The following FOXP1 variants were observed in gnomAD, a reference collection of about 807,000 sequenced individuals.
FOXP1 encodes forkhead box protein P1.
In FOXP1, 15 loss-of-function variants were observed where a neutral mutation model predicts 98.2. The observed-to-expected ratio is 0.15, with a 90% confidence interval of 0.10 to 0.24. The LOEUF (loss-of-function observed/expected upper bound fraction) is 0.24, where lower values mean the gene tolerates loss of function less well. FOXP1 is among the 10% of genes least tolerant of loss of function. The pLI is 1.00. For synonymous variants in FOXP1, 371 were observed against 314.5 expected (o/e 1.18, Z -1.90); for missense variants, 633 against 848.5 (o/e 0.75, Z 3.15).
rs764420582 is a variant in FOXP1, at chr3:71,513,441, G to A, written c.-297-19886C>T. On this transcript the variant is annotated intron_variant, in intron 2 of 20. Transcript: ENST00000649528. The stretch of plus-strand genomic sequence containing the variant: ...TAAAAAGCCAGTACTCCCCTCCTTC[G>A]CTACCAACTTCCTGGTCACAGCCAC... Among the ~76,000 whole-genome samples, 22 of 151,942 alleles carry A rather than the reference G, an allele frequency of 1.4e-4. 1 individual carries two copies. Among genetic ancestry groups the A allele is most frequent in the South Asian group, 2.1e-4 (1 of 4,806 alleles).
chr3:70,978,072 C>G (rs1313567865), intron 14 of FOXP1, 43 bp from the exon 15 acceptor site: 1 of 1,536,868 alleles, frequency 6.5e-7, no homozygotes, highest in South Asian at 1.1e-5. Flanking sequence ...TTCAGAAAAC[C>G]AGAGCAACCC....
intron 3 of FOXP1, among the ~76,000 whole-genome samples, chr3:71,388,820 A>G (rs922694809): frequency 2.0e-5 from 3 of 152,176 alleles, no homozygotes; most frequent in Non-Finnish European, 4.4e-5. Flanking sequence ...AAAAGAAAAG[A>G]AAAATTTTGT....
At chr3:71,343,646 C>T (rs2077149333) in intron 4 of FOXP1, among the ~76,000 whole-genome samples, 1 of 149,818 alleles carries the variant, frequency 6.7e-6, no homozygotes. Flanking sequence ...ACCTCAGCCT[C>T]CTGGGTTCAA....
chr3:71,303,022 T>C (rs781242804), intron 4 of FOXP1, among the ~76,000 whole-genome samples: 2 of 152,198 alleles, frequency 1.3e-5, no homozygotes, highest in Non-Finnish European at 2.9e-5. Flanking sequence ...TGACATATAA[T>C]ACACGGTGTC....
intron 6 of FOXP1, among the ~76,000 whole-genome samples, chr3:71,192,184 C>T (rs913133920): frequency 1.2e-4 from 19 of 152,162 alleles, no homozygotes; most frequent in South Asian, 2.1e-4. Flanking sequence ...GCAGCTACAA[C>T]GGGAAAGGCC....
intron 5 of FOXP1, among the ~76,000 whole-genome samples, chr3:71,281,420 CA>C (rs2071551555): frequency 6.6e-6 from 1 of 152,192 alleles, no homozygotes; most frequent in Non-Finnish European, 1.5e-5. Flanking sequence ...TCTCAAAACA[CA>C]TCTGAGTGGT....
At chr3:70,969,087 C>T (rs1575726558) in intron 19 of FOXP1, 1 of 150,008 alleles carries the variant, frequency 6.7e-6, no homozygotes, top group Non-Finnish European at 1.5e-5. Flanking sequence ...AAATTAGTCA[C>T]ATAGTTAAGA....
At chr3:71,476,111 AC>A (rs1237112263) in intron 3 of FOXP1, among the ~76,000 whole-genome samples, 1 of 152,110 alleles carries the variant, frequency 6.6e-6, no homozygotes, top group African/African-American at 2.4e-5. Context: ...GTGTTAAGTG[AC>A]TCTTCAACTA....
At chr3:71,041,765 T>C (rs2048376323) in intron 10 of FOXP1, among the ~76,000 whole-genome samples, 1 of 152,078 alleles carries the variant, frequency 6.6e-6, no homozygotes, top group African/African-American at 2.4e-5. Context: ...CAGGTGAAAG[T>C]GACTCAAAAC....
At chr3:71,092,999 GC>G (rs2056051781) in intron 7 of FOXP1, among the ~76,000 whole-genome samples, 1 of 152,150 alleles carries the variant, frequency 6.6e-6, no homozygotes, top group African/African-American at 2.4e-5. Context: ...GGTGGCTCAC[GC>G]CTATAATCCC....
chr3:71,115,309 TA>T (rs1462350323), intron 6 of FOXP1, among the ~76,000 whole-genome samples: 1 of 115,808 alleles, frequency 8.6e-6, no homozygotes, highest in Non-Finnish European at 1.8e-5. Flanking sequence ...TTATTATTAT[TA>T]TTATTATTTT....
intron 6 of FOXP1, among the ~76,000 whole-genome samples, chr3:71,158,783 G>C (rs1303730926): frequency 6.8e-6 from 1 of 147,972 alleles, no homozygotes; most frequent in Non-Finnish European, 1.5e-5. Context: ...ATGTTACGTT[G>C]TCAAAGGTTG....
chr3:71,384,230 A>AAACAAACAAACAAACC (rs1294304396), intron 3 of FOXP1, among the ~76,000 whole-genome samples: 4 of 152,154 alleles, frequency 2.6e-5, no homozygotes, highest in Non-Finnish European at 4.4e-5. Context: ...ACAAACAAAC[A>AAACAAACAAACAAACC]AACAAACAAA....
intron 3 of FOXP1, among the ~76,000 whole-genome samples, chr3:71,473,426 C>A (rs900745716): frequency 6.6e-6 from 1 of 152,128 alleles, no homozygotes; most frequent in African/African-American, 2.4e-5. Flanking sequence ...AACATTAGAT[C>A]TTATTCAGAA....
At chr3:70,993,999 G>GAAGAAAAAGAAAAAGAAA (rs5849975) in intron 13 of FOXP1, among the ~76,000 whole-genome samples, 11 of 136,072 alleles carry the variant, frequency 8.1e-5, no homozygotes, top group African/African-American at 3.1e-4. Flanking sequence ...CGTCTCAAAA[G>GAAGAAAAAGAAAAAGAAA]AAGAAAAAGA....
intron 5 of FOXP1, among the ~76,000 whole-genome samples, chr3:71,255,866 G>GTAAA (rs1295599905): frequency 2.0e-5 from 3 of 152,032 alleles, no homozygotes; most frequent in African/African-American, 7.2e-5. Flanking sequence ...AGTAATTAAA[G>GTAAA]TAAATGAACA....
At chr3:71,317,179 C>T (rs1241631739) in intron 4 of FOXP1, among the ~76,000 whole-genome samples, 1 of 152,112 alleles carries the variant, frequency 6.6e-6, no homozygotes, top group Non-Finnish European at 1.5e-5. Flanking sequence ...AAATTTCCAC[C>T]AGAGAGTTGA....
At chr3:71,297,749 G>A (rs1408648631) in intron 5 of FOXP1, among the ~76,000 whole-genome samples, 4 of 151,388 alleles carry the variant, frequency 2.6e-5, no homozygotes, top group African/African-American at 9.7e-5. Context: ...CTGAGTAGCT[G>A]GGATCACAGG....
chr3:70,981,474 A>T (rs1220553975), intron 14 of FOXP1, among the ~76,000 whole-genome samples: 1 of 152,238 alleles, frequency 6.6e-6, no homozygotes, highest in Non-Finnish European at 1.5e-5. Context: ...AAGGACTCTA[A>T]TTAGGAGACG....
Sources: allele counts gnomAD v4.1 joint callset (sites outside exome capture counted in the v4.1 genomes callset), GRCh38; gene constraint gnomAD v4.1.1; transcripts MANE v1.5; gene names NCBI Gene and HGNC (gene_info 2026-07-23, HGNC 2026-07-21).